Variants in PDE1C observed in about 807,000 individuals in gnomAD.
PDE1C encodes dual specificity calcium/calmodulin-dependent 3',5'-cyclic nucleotide phosphodiesterase 1C.
Under a neutral mutation model 93.1 loss-of-function variants are expected in PDE1C, and 62 were observed. The observed-to-expected ratio is 0.67, with a 90% confidence interval of 0.54 to 0.82. The LOEUF (loss-of-function observed/expected upper bound fraction) is 0.82. Ranked by LOEUF, PDE1C falls within the 40% of genes least tolerant of loss-of-function variation. The pLI, the probability that PDE1C is intolerant of heterozygous loss-of-function variation, is 0.00. For missense variants in PDE1C, 742 were observed against 884.6 expected (o/e 0.84, Z 2.04); for synonymous variants, 325 against 310.1 (o/e 1.05, Z -0.50).
the PDE1C span, among the ~76,000 whole-genome samples, chr7:31,636,797 A>G: frequency 6.6e-6 from 1 of 151,562 alleles, no homozygotes; most frequent in African/African-American, 2.4e-5. Flanking sequence ...TTACATATGT[A>G]TACATGTGCC....
rs185253695 is a variant in PDE1C, at chr7:31,787,976, T to C, written c.1892-12244A>G. The C allele has an allele frequency of 9.2e-5, 14 of 152,336 alleles. No homozygotes were observed. The East Asian group carries it at 2.3e-3, about 25-fold the overall frequency. The allele number at this position is 152,336 out of a possible 1,614,324, so 9.4% of individuals were successfully genotyped here. A position where few individuals can be genotyped will look rare whatever the true frequency, so the allele number is the denominator to read the frequency against. The stretch of plus-strand genomic sequence containing the variant: ...TAAAGATTTAAAGCTAAGAGTGAGT[T>C]ACATGGAGTTTTGTTTTGCTTCACT... On this transcript the variant is annotated intron_variant, in intron 16 of 17. Transcript: ENST00000396191.
In PDE1C at chr7:31,990,565, T is replaced by C. The variant is rs113740193; in HGVS notation, c.128+60989A>G. On this transcript the variant is annotated intron_variant, in intron 2 of 17. Coordinates refer to ENST00000396191, the MANE Select transcript of PDE1C (RefSeq NM_001191057.4). ...CTAACCCACACTCTCAATTCTAAGC[T>C]GGGGTTCGATTTAAAAAAACAAAAA... is the stretch of plus-strand genomic sequence containing the variant. 9.0e-3 allele frequency among the ~76,000 whole-genome samples: 1,374 copies of C among 152,298 alleles called. 19 individuals are homozygous for C. The highest frequency in any genetic ancestry group is 0.031 in the African/African-American group (1,291 of 41,556).
chr7:32,324,174 T>C (rs1202508102), intron 1 of PDE1C, among the ~76,000 whole-genome samples: 1 of 152,272 alleles, frequency 6.6e-6, no homozygotes, highest in African/African-American at 2.4e-5. Context: ...CATGTTCACT[T>C]ATTAACTTAT....
At chr7:32,178,490 C>A (rs528206606) in intron 2 of PDE1C, among the ~76,000 whole-genome samples, 94 of 152,212 alleles carry the variant, frequency 6.2e-4, no homozygotes, top group African/African-American at 2.2e-3. Flanking sequence ...TAAATAGAGC[C>A]AAAAATACAC....
intron 1 of PDE1C, among the ~76,000 whole-genome samples, chr7:32,066,657 C>G (rs144411752): frequency 0.01 from 1,588 of 152,106 alleles, 10 homozygotes; most frequent in Non-Finnish European, 0.016. Context: ...ACCCAAGGAG[C>G]CCTATGAGGC....
chr7:32,265,041 T>C (rs1810466266), intron 1 of PDE1C, among the ~76,000 whole-genome samples: 2 of 152,082 alleles, frequency 1.3e-5, no homozygotes, highest in South Asian at 4.1e-4. Context: ...CACTCAGAAA[T>C]ATAAAATTAA....
At chr7:32,153,473 A>G (rs1801383514) in intron 3 of PDE1C, among the ~76,000 whole-genome samples, 1 of 152,198 alleles carries the variant, frequency 6.6e-6, no homozygotes, top group Non-Finnish European at 1.5e-5. Context: ...AGAAGAATGA[A>G]GGAAAACAAG....
At chr7:32,189,604 A>G (rs576432128) in intron 2 of PDE1C, among the ~76,000 whole-genome samples, 83 of 152,318 alleles carry the variant, frequency 5.4e-4, no homozygotes, top group African/African-American at 1.9e-3. Context: ...GTGGGAATGA[A>G]TTCAGGGATA....
At chr7:31,625,750 T>C in the PDE1C span, among the ~76,000 whole-genome samples, 4 of 152,068 alleles carry the variant, frequency 2.6e-5, no homozygotes, top group African/African-American at 9.7e-5. Flanking sequence ...TGTGCACATG[T>C]ACCCTAAACT....
chr7:32,205,960 G>A (rs764183498), intron 2 of PDE1C, among the ~76,000 whole-genome samples: 1 of 152,166 alleles, frequency 6.6e-6, no homozygotes, highest in African/African-American at 2.4e-5. Flanking sequence ...CTCACCAGGT[G>A]GGTCCATGTT....
the PDE1C span, chr7:31,695,406 A>G: frequency 2.9e-5 from 42 of 1,466,562 alleles, no homozygotes; most frequent in Non-Finnish European, 3.8e-5. Flanking sequence ...GGAACCAAAC[A>G]GTTTGTGACT....
the PDE1C span, among the ~76,000 whole-genome samples, chr7:31,688,938 A>C: frequency 6.6e-6 from 1 of 152,240 alleles, no homozygotes; most frequent in Admixed American, 6.5e-5. Context: ...TAAGTTCAAC[A>C]CAAACTCATT....
the PDE1C span, chr7:31,656,400 C>T: frequency 8.6e-6 from 4 of 467,742 alleles, no homozygotes; most frequent in East Asian, 6.2e-4. Context: ...TACCATGAAT[C>T]CTGTGCAGTG....
intron 1 of PDE1C, among the ~76,000 whole-genome samples, chr7:32,262,352 G>A (rs1031203006): frequency 2.6e-5 from 4 of 152,228 alleles, no homozygotes; most frequent in African/African-American, 9.6e-5. Flanking sequence ...CAGGTGCTGG[G>A]AGGAAGGAAC....
chr7:32,171,009 T>G (rs563160233), intron 2 of PDE1C, among the ~76,000 whole-genome samples: 1 of 152,250 alleles, frequency 6.6e-6, no homozygotes, highest in South Asian at 2.1e-4. Flanking sequence ...CTGCCTACCC[T>G]GCCTTGCCTG....
chr7:32,298,545 A>G, intron 1 of PDE1C: 2 of 1,347,888 alleles, frequency 1.5e-6, no homozygotes, highest in Non-Finnish European at 2.0e-6. Flanking sequence ...CTCCGGCCCC[A>G]GCCCGACCCC....
intron 3 of PDE1C, among the ~76,000 whole-genome samples, chr7:32,156,623 A>G (rs1054133372): frequency 2.0e-5 from 3 of 152,228 alleles, no homozygotes; most frequent in Non-Finnish European, 4.4e-5. Flanking sequence ...ACAATGGCTT[A>G]TAAAACACTG....
intron 1 of PDE1C, among the ~76,000 whole-genome samples, chr7:32,245,947 A>G (rs1391641985): frequency 1.3e-5 from 2 of 149,996 alleles, no homozygotes; most frequent in Admixed American, 1.3e-4. Flanking sequence ...GATTTCAATA[A>G]GTGAATTTTC....
At chr7:31,713,305 C>T in the PDE1C span, among the ~76,000 whole-genome samples, 1 of 152,238 alleles carries the variant, frequency 6.6e-6, no homozygotes, top group Admixed American at 6.5e-5. Flanking sequence ...AATCTTGAAG[C>T]TCCAAAATAA....
Sources: gnomAD v4.1 joint callset for allele counts (sites outside exome capture counted in the v4.1 genomes callset) on GRCh38, gnomAD v4.1.1 for gene constraint, MANE v1.5 for transcripts, NCBI Gene and HGNC (gene_info 2026-07-23, HGNC 2026-07-21) for gene names.